The following SHISA9 variants were observed in gnomAD, a reference collection of about 807,000 sequenced individuals.
SHISA9 encodes shisa family member 9.
Under a neutral mutation model 38.0 loss-of-function variants are expected in SHISA9, and 13 were observed. The ratio of observed to expected loss-of-function variants is 0.34; its 90% confidence interval spans 0.22 to 0.54. The LOEUF is 0.54. SHISA9 is among the 20% of genes least tolerant of loss of function. SHISA9 has a pLI of 0.91. For synonymous variants in SHISA9, 275 were observed against 242.0 expected (o/e 1.14, Z -1.27); for missense variants, 538 against 575.8 (o/e 0.93, Z 0.67).
intron 2 of SHISA9, among the ~76,000 whole-genome samples, chr16:12,926,551 A>G (rs776229132): frequency 1.1e-4 from 16 of 152,326 alleles, no homozygotes; most frequent in Non-Finnish European, 1.5e-4. Flanking sequence ...CTTGGAGCTT[A>G]TGTTACAGTG....
chr16:13,128,770 A>G (rs745487509), intron 2 of SHISA9, among the ~76,000 whole-genome samples: 6 of 152,214 alleles, frequency 3.9e-5, no homozygotes, highest in Non-Finnish European at 5.9e-5. Context: ...TGTTTAGGAT[A>G]TGAGCACTTT....
intron 2 of SHISA9, among the ~76,000 whole-genome samples, chr16:12,939,529 A>G (rs915863563): frequency 6.6e-6 from 1 of 152,194 alleles, no homozygotes; most frequent in African/African-American, 2.4e-5. Flanking sequence ...GACTATGAGA[A>G]TGAGCGTGGA....
chr16:13,307,210 G>A, the SHISA9 span, among the ~76,000 whole-genome samples: 1 of 152,154 alleles, frequency 6.6e-6, no homozygotes, highest in South Asian at 2.1e-4. Flanking sequence ...GTTGTTATAA[G>A]GATTAAATCA....
the SHISA9 span, among the ~76,000 whole-genome samples, chr16:13,354,130 G>A: frequency 1.3e-5 from 2 of 149,746 alleles, no homozygotes. Context: ...TTGATGTGTA[G>A]GGAAGGGAGG....
At chr16:13,117,042 G>A (rs1220483596) in intron 2 of SHISA9, among the ~76,000 whole-genome samples, 4 of 151,970 alleles carry the variant, frequency 2.6e-5, no homozygotes, top group South Asian at 4.2e-4. Flanking sequence ...GAGTGATCTC[G>A]GCTCACTGCA....
At chr16:13,204,244 CTAT>C (rs781201928) in intron 3 of SHISA9, among the ~76,000 whole-genome samples, 1 of 151,720 alleles carries the variant, frequency 6.6e-6, no homozygotes, top group Non-Finnish European at 1.5e-5. Context: ...ATCTATCTAT[CTAT>C]CTACCCATCT....
chr16:13,018,150 C>T (rs1369279879), intron 2 of SHISA9, among the ~76,000 whole-genome samples: 1 of 152,218 alleles, frequency 6.6e-6, no homozygotes, highest in East Asian at 1.9e-4. Context: ...GTTCTTCTCC[C>T]TCCTAAGTTC....
intron 2 of SHISA9, among the ~76,000 whole-genome samples, chr16:13,116,603 C>T (rs945947888): frequency 6.6e-6 from 1 of 152,156 alleles, no homozygotes; most frequent in African/African-American, 2.4e-5. Context: ...GAAAACTGTG[C>T]ATTTGAATCC....
intron 2 of SHISA9, among the ~76,000 whole-genome samples, chr16:13,127,999 G>A (rs770535434): frequency 3.9e-5 from 6 of 152,170 alleles, no homozygotes; most frequent in Non-Finnish European, 5.9e-5. Flanking sequence ...ATAGGCCCAC[G>A]TCTGTGAACG....
chr16:13,197,104 T>TATATAC (rs748572860), intron 2 of SHISA9, among the ~76,000 whole-genome samples: 3 of 106,584 alleles, frequency 2.8e-5, no homozygotes, highest in African/African-American at 1.3e-4. Context: ...TCTCTGTACA[T>TATATAC]ACACACACAC....
chr16:13,176,859 C>T (rs1395746635), intron 2 of SHISA9, among the ~76,000 whole-genome samples: 1 of 152,198 alleles, frequency 6.6e-6, no homozygotes, highest in South Asian at 2.1e-4. Flanking sequence ...TCTCCCCTCT[C>T]TGTTCTTAAT....
At chr16:13,358,676 G>C in the SHISA9 span, among the ~76,000 whole-genome samples, 311 of 152,248 alleles carry the variant, frequency 2.0e-3, 1 homozygote, top group African/African-American at 7.2e-3. Context: ...CAACCAACCA[G>C]TGAAAGGCCT....
At chr16:13,057,626 T>C (rs1273494336) in intron 2 of SHISA9, among the ~76,000 whole-genome samples, 1 of 152,192 alleles carries the variant, frequency 6.6e-6, no homozygotes, top group Admixed American at 6.5e-5. Context: ...CTGCTTGCTC[T>C]AAATAAGTGA....
intron 2 of SHISA9, among the ~76,000 whole-genome samples, chr16:12,988,886 C>T (rs562989329): frequency 3.3e-5 from 5 of 152,210 alleles, no homozygotes; most frequent in African/African-American, 9.6e-5. Context: ...TAATGAAATT[C>T]GCCTGTTGTA....
chr16:13,467,235 G>C, the SHISA9 span, among the ~76,000 whole-genome samples: 1 of 152,114 alleles, frequency 6.6e-6, no homozygotes, highest in African/African-American at 2.4e-5. Context: ...TTCTATGTGG[G>C]GGGGTAGCAT....
the SHISA9 span, among the ~76,000 whole-genome samples, chr16:13,488,225 G>A: frequency 9.6e-5 from 14 of 146,168 alleles, no homozygotes; most frequent in Middle Eastern, 3.4e-3. Context: ...ATGGTCAAAG[G>A]ATATCAAAAT....
At chr16:13,371,334 A>G in the SHISA9 span, among the ~76,000 whole-genome samples, 5 of 152,132 alleles carry the variant, frequency 3.3e-5, no homozygotes, top group African/African-American at 9.7e-5. Context: ...TTCTGATGCA[A>G]TAGGTCTAGG....
chr16:13,204,238 A>G (rs1207065888), intron 3 of SHISA9, among the ~76,000 whole-genome samples: 1 of 150,512 alleles, frequency 6.6e-6, no homozygotes, highest in Non-Finnish European at 1.5e-5. Flanking sequence ...CTATCTATCT[A>G]TCTATCTATC....
chr16:13,347,217 C>T, the SHISA9 span, among the ~76,000 whole-genome samples: 1 of 152,076 alleles, frequency 6.6e-6, no homozygotes, highest in African/African-American at 2.4e-5. Flanking sequence ...TTTTTGAGCA[C>T]GGGGTCAGGT....
Sources: gnomAD v4.1 joint callset for allele counts (sites outside exome capture counted in the v4.1 genomes callset) on GRCh38, gnomAD v4.1.1 for gene constraint, MANE v1.5 for transcripts, NCBI Gene and HGNC (gene_info 2026-07-23, HGNC 2026-07-21) for gene names.